The following ADCY1 variants were observed in gnomAD, a reference collection of about 807,000 sequenced individuals.
The protein encoded by ADCY1 is adenylate cyclase 1, also known as adenylate cyclase type 1.
Under a neutral mutation model 105.4 loss-of-function variants are expected in ADCY1, and 28 were observed. The observed-to-expected ratio is 0.27, with a 90% CI of 0.20 to 0.36. The LOEUF (loss-of-function observed/expected upper bound fraction) is 0.36, where lower values mean the gene tolerates loss of function less well. Ranked by LOEUF, ADCY1 falls within the 10% of genes least tolerant of loss-of-function variation. The pLI, the probability that ADCY1 is intolerant of heterozygous loss-of-function variation, is 1.00. For synonymous variants in ADCY1, 655 were observed against 623.8 expected, an observed-to-expected ratio of 1.05 and a Z score of -0.75; for missense variants, 977 against 1,434.2, an observed-to-expected ratio of 0.68 and a Z score of 5.15.
intron 6 of ADCY1, among the ~76,000 whole-genome samples, chr7:45,658,649 C>T (rs574859782): frequency 2.0e-5 from 3 of 152,326 alleles, no homozygotes; most frequent in South Asian, 2.1e-4. Context: ...CTCCCAAGGC[C>T]GGGCTATGCA....
Position 45,648,814 on chromosome 7 carries a change from G to T in ADCY1, c.1148+17G>T. The T allele has an allele frequency of 6.2e-7, 1 of 1,612,046 alleles. No homozygotes were observed. Among genetic ancestry groups the T allele is most frequent in the Non-Finnish European group, 8.5e-7 (1 of 1,178,604 alleles). On this transcript the variant is annotated intron_variant, in intron 5 of 19. Transcript: ENST00000297323. ...TACCATCACGTAAGTACCCCGTGGG[G>T]CTGAGAGGAGTGGCCTGGGGCATCT...
intron 3 of ADCY1, among the ~76,000 whole-genome samples, chr7:45,616,358 A>G (rs1793736573): frequency 6.6e-6 from 1 of 152,192 alleles, no homozygotes; most frequent in South Asian, 2.1e-4. Context: ...AAACAAGAAC[A>G]CTACAAAAAA....
intron 3 of ADCY1, among the ~76,000 whole-genome samples, chr7:45,611,652 T>A (rs1317912040): frequency 1.3e-5 from 2 of 148,436 alleles, no homozygotes; most frequent in African/African-American, 4.9e-5. Context: ...TTTTTTTTTT[T>A]AAAGATTCTG....
intron 4 of ADCY1, among the ~76,000 whole-genome samples, chr7:45,630,684 T>C (rs576074067): frequency 6.6e-6 from 1 of 152,328 alleles, no homozygotes; most frequent in South Asian, 2.1e-4. Flanking sequence ...TTTTTCTGTA[T>C]GTGTGTAAAA....
intron 2 of ADCY1, among the ~76,000 whole-genome samples, chr7:45,606,310 C>G (rs1334613570): frequency 2.0e-5 from 3 of 152,062 alleles, no homozygotes; most frequent in African/African-American, 7.2e-5. Flanking sequence ...CTCTACTTGG[C>G]CTTTGCTGGT....
chr7:45,603,825 CT>C (rs993942579), intron 2 of ADCY1, among the ~76,000 whole-genome samples: 1 of 152,016 alleles, frequency 6.6e-6, no homozygotes, highest in Non-Finnish European at 1.5e-5. Context: ...TTGGGATTGG[CT>C]TTTTTTTCAC....
chr7:45,648,825 T>C (rs1794738227), intron 5 of ADCY1, 28 bp downstream of exon 5: 1 of 1,608,850 alleles, frequency 6.2e-7, no homozygotes, highest in Non-Finnish European at 8.5e-7. Flanking sequence ...CTGAGAGGAG[T>C]GGCCTGGGGC....
chr7:45,699,498 T>C (rs1331544485), intron 14 of ADCY1, among the ~76,000 whole-genome samples: 1 of 152,070 alleles, frequency 6.6e-6, no homozygotes, highest in Non-Finnish European at 1.5e-5. Context: ...TAAAAATGCT[T>C]CTTGGAATAC....
chr7:45,625,678 G>GTAGA (rs1794038853), intron 4 of ADCY1, among the ~76,000 whole-genome samples: 2 of 152,162 alleles, frequency 1.3e-5, no homozygotes, highest in African/African-American at 4.8e-5. Context: ...GTATGTGCAT[G>GTAGA]TGTGTGTACC....
intron 8 of ADCY1, among the ~76,000 whole-genome samples, chr7:45,663,470 G>C (rs1795183658): frequency 6.6e-6 from 1 of 152,202 alleles, no homozygotes; most frequent in Non-Finnish European, 1.5e-5. Flanking sequence ...GAGGGGACTG[G>C]CCTCTAGGTG....
At chr7:45,672,590 T>A (rs980944651) in intron 8 of ADCY1, among the ~76,000 whole-genome samples, 5 of 152,174 alleles carry the variant, frequency 3.3e-5, no homozygotes, top group Admixed American at 1.3e-4. Context: ...TACTACATTT[T>A]AATATTGGTC....
intron 5 of ADCY1, among the ~76,000 whole-genome samples, chr7:45,651,417 G>A (rs1206765428): frequency 6.6e-6 from 1 of 152,172 alleles, no homozygotes; most frequent in Non-Finnish European, 1.5e-5. Context: ...TATCAACAGG[G>A]GGAGCTTGCC....
intron 3 of ADCY1, among the ~76,000 whole-genome samples, chr7:45,611,473 A>G (rs1227897073): frequency 6.6e-6 from 1 of 152,080 alleles, no homozygotes; most frequent in Non-Finnish European, 1.5e-5. Context: ...ATAGTAGCTG[A>G]GCATTATGCT....
intron 4 of ADCY1, among the ~76,000 whole-genome samples, chr7:45,633,575 G>A (rs563936456): frequency 2.3e-4 from 35 of 152,194 alleles, no homozygotes; most frequent in African/African-American, 7.5e-4. Context: ...AGGCCAAGGC[G>A]GGCGGATCAC....
At chr7:45,581,008 C>G (rs1792521804) in intron 1 of ADCY1, among the ~76,000 whole-genome samples, 1 of 152,146 alleles carries the variant, frequency 6.6e-6, no homozygotes, top group South Asian at 2.1e-4. Flanking sequence ...TGCAGATGCC[C>G]AGAAATGTCC....
At chr7:45,678,124 G>C (rs777352924) in intron 9 of ADCY1, 42 bp from the exon 10 acceptor site, 20 of 1,613,710 alleles carry the variant, frequency 1.2e-5, no homozygotes, top group Non-Finnish European at 1.6e-5. Flanking sequence ...CCTGGCTGGA[G>C]GAAGCCCTCA....
chr7:45,605,652 A>G (rs1793354095), intron 2 of ADCY1, among the ~76,000 whole-genome samples: 1 of 151,962 alleles, frequency 6.6e-6, no homozygotes, highest in African/African-American at 2.4e-5. Flanking sequence ...ATTAAACCCC[A>G]TGTGTTTGGG....
At chr7:45,638,622 T>C (rs900926100) in intron 4 of ADCY1, among the ~76,000 whole-genome samples, 37 of 152,162 alleles carry the variant, frequency 2.4e-4, no homozygotes, top group African/African-American at 8.9e-4. Flanking sequence ...GTGCCTCATA[T>C]GTGCTGGTCT....
At chr7:45,624,907 C>G (rs2115938504) in intron 4 of ADCY1, among the ~76,000 whole-genome samples, 1 of 152,332 alleles carries the variant, frequency 6.6e-6, no homozygotes, top group Admixed American at 6.5e-5. Context: ...TCCTGGCAGT[C>G]CTGAGATGAG....
Sources: gnomAD v4.1 joint callset for allele counts (sites outside exome capture counted in the v4.1 genomes callset) on GRCh38, gnomAD v4.1.1 for gene constraint, MANE v1.5 for transcripts, NCBI Gene and HGNC (gene_info 2026-07-23, HGNC 2026-07-21) for gene names.